The following DOCK4 variants were observed in gnomAD, a reference collection of about 807,000 sequenced individuals.
DOCK4 encodes dedicator of cytokinesis 4.
A neutral mutation model predicts 268.1 loss-of-function variants in DOCK4; 97 were observed. The observed-to-expected ratio is 0.36, with a 90% CI of 0.31 to 0.43. DOCK4 has a LOEUF of 0.43. DOCK4 is among the 20% of genes least tolerant of loss of function. The pLI, the probability that DOCK4 is intolerant of heterozygous loss-of-function variation, is 1.00. For synonymous variants in DOCK4, 954 were observed against 887.2 expected (o/e 1.08, Z -1.34); for missense variants, 2,145 against 2,455.7 (o/e 0.87, Z 2.67).
intron 1 of DOCK4, among the ~76,000 whole-genome samples, chr7:112,012,569 C>T (rs1416708590): frequency 6.6e-6 from 1 of 152,118 alleles, no homozygotes; most frequent in Non-Finnish European, 1.5e-5. Flanking sequence ...TTACAGAAGG[C>T]AACTGCTTTT....
At chr7:111,863,283 T>A in intron 23 of DOCK4, 89 bp downstream of exon 23, 1 of 1,422,802 alleles carries the variant, frequency 7.0e-7, no homozygotes, top group Non-Finnish European at 9.8e-7. Context: ...TTTAGTGTTT[T>A]GTTTTTAATT....
At chr7:112,066,735 A>ATATC (rs1807093550) in intron 1 of DOCK4, among the ~76,000 whole-genome samples, 1 of 89,994 alleles carries the variant, frequency 1.1e-5, no homozygotes, top group East Asian at 2.9e-4. Flanking sequence ...ATATATATAT[A>ATATC]TATATATCTC....
At position 111,728,059 on chromosome 7, in the gene DOCK4, T is replaced by C. The variant is rs1297575603; in HGVS notation, c.*215A>G. ...ATTTACCACTTCCAAATGAGAAACG[T>C]TTTAATGAAATTCAGCCATACTTCA... On this transcript the variant is annotated 3_prime_UTR_variant, in exon 53 of 53. Coordinates refer to ENST00000428084, the MANE Select transcript of DOCK4 (RefSeq NM_001363540.2). 1 of 410,726 alleles carries C rather than the reference T, an allele frequency of 2.4e-6. No homozygotes were observed. Among genetic ancestry groups the C allele is most frequent in the Non-Finnish European group, 4.2e-6 (1 of 237,096 alleles). The allele number at this position is 410,726 out of a possible 1,614,324, so 25.4% of individuals were successfully genotyped here.
At chr7:111,827,067 C>T (rs1563557569) in intron 26 of DOCK4, among the ~76,000 whole-genome samples, 1 of 151,936 alleles carries the variant, frequency 6.6e-6, no homozygotes, top group Admixed American at 6.6e-5. Flanking sequence ...ACTTCAAGAA[C>T]AATGAATAGG....
intron 1 of DOCK4, among the ~76,000 whole-genome samples, chr7:112,004,478 C>T (rs1416689805): frequency 1.3e-5 from 2 of 152,194 alleles, no homozygotes; most frequent in Non-Finnish European, 2.9e-5. Context: ...CTCCCTCATC[C>T]AAATGCCGGG....
chr7:111,817,156 G>C (rs1029120600), intron 27 of DOCK4, among the ~76,000 whole-genome samples: 1 of 152,342 alleles, frequency 6.6e-6, no homozygotes, highest in African/African-American at 2.4e-5. Flanking sequence ...ACCTGGAGGA[G>C]ATGGATTGTG....
At chr7:112,058,259 T>C (rs993423052) in intron 1 of DOCK4, among the ~76,000 whole-genome samples, 2 of 152,146 alleles carry the variant, frequency 1.3e-5, no homozygotes, top group African/African-American at 2.4e-5. Flanking sequence ...CATAACCTAG[T>C]AATTATTTGT....
chr7:111,775,153 A>G (rs1039485048), intron 36 of DOCK4, among the ~76,000 whole-genome samples: 2 of 152,242 alleles, frequency 1.3e-5, no homozygotes, highest in African/African-American at 4.8e-5. Flanking sequence ...GAGGCTAGAA[A>G]AGTCAAAGAT....
intron 42 of DOCK4, among the ~76,000 whole-genome samples, chr7:111,751,692 G>A (rs1003131327): frequency 6.6e-6 from 1 of 152,146 alleles, no homozygotes; most frequent in African/African-American, 2.4e-5. Context: ...TGATCTGCCT[G>A]CCCTGGCCTC....
At chr7:111,893,448 G>A (rs915615617) in intron 16 of DOCK4, among the ~76,000 whole-genome samples, 1 of 152,174 alleles carries the variant, frequency 6.6e-6, no homozygotes, top group African/African-American at 2.4e-5. Context: ...ATATCATGAG[G>A]AAACGGGGAG....
chr7:111,943,642 C>T (rs1408760143), intron 10 of DOCK4, among the ~76,000 whole-genome samples: 1 of 152,132 alleles, frequency 6.6e-6, no homozygotes, highest in Non-Finnish European at 1.5e-5. Context: ...TCTAACTATT[C>T]CAACCTTTTC....
At chr7:111,941,787 GA>G (rs1430547249) in intron 10 of DOCK4, among the ~76,000 whole-genome samples, 7 of 151,878 alleles carry the variant, frequency 4.6e-5, no homozygotes, top group Non-Finnish European at 8.8e-5. Context: ...CTGCACTAAA[GA>G]AAAAAAACTG....
chr7:112,190,761 G>C (rs931406024), intron 1 of DOCK4, among the ~76,000 whole-genome samples: 1 of 152,146 alleles, frequency 6.6e-6, no homozygotes, highest in African/African-American at 2.4e-5. Context: ...TGTGGCTTAA[G>C]TCCAAAGCAT....
chr7:112,021,707 T>C (rs1434716586), intron 1 of DOCK4, among the ~76,000 whole-genome samples: 1 of 152,234 alleles, frequency 6.6e-6, no homozygotes, highest in African/African-American at 2.4e-5. Context: ...TTTTAATTTA[T>C]TTATTGCAAG....
rs554735239 is a variant in DOCK4 at position 111,904,640 on chromosome 7, C to A, written c.1193-2839G>T. 3.3e-5 allele frequency among the ~76,000 whole-genome samples: 5 copies of A among 152,154 alleles called. No individual in the cohort carries two copies. In the East Asian group the frequency reaches 9.7e-4, roughly 29 times the overall value. On this transcript the variant is annotated intron_variant, in intron 13 of 52. Transcript: ENST00000428084. ...TTCTTTACAAAAGAGATTCTGAATT[C>A]AAATACACTAAAGGCATTAGGTTCA...
intron 4 of DOCK4, among the ~76,000 whole-genome samples, chr7:111,995,925 G>C (rs575967090): frequency 6.6e-6 from 1 of 152,170 alleles, no homozygotes; most frequent in South Asian, 2.1e-4. Flanking sequence ...AACTGTGACA[G>C]ACACAGAACC....
intron 27 of DOCK4, among the ~76,000 whole-genome samples, chr7:111,815,611 T>TTTATTTATTTCC (rs1357180943): frequency 6.6e-6 from 1 of 151,096 alleles, no homozygotes; most frequent in African/African-American, 2.5e-5. Flanking sequence ...CATTTATTTA[T>TTTATTTATTTCC]TTCCTTCCTT....
chr7:112,171,889 T>C (rs1226617693), intron 1 of DOCK4, among the ~76,000 whole-genome samples: 1 of 152,188 alleles, frequency 6.6e-6, no homozygotes, highest in Admixed American at 6.5e-5. Flanking sequence ...GCTGGTTTCC[T>C]CTGAGGCTTC....
intron 1 of DOCK4, among the ~76,000 whole-genome samples, chr7:112,123,137 T>G (rs73436630): frequency 0.035 from 5,292 of 152,258 alleles, 313 homozygotes; most frequent in African/African-American, 0.12. Context: ...AATGAATGGA[T>G]CAGGGAGCAG....
Sources: gnomAD v4.1 joint callset for allele counts (sites outside exome capture counted in the v4.1 genomes callset) on GRCh38, gnomAD v4.1.1 for gene constraint, MANE v1.5 for transcripts, NCBI Gene and HGNC (gene_info 2026-07-23, HGNC 2026-07-21) for gene names.